Variants in CTDP1 observed in about 807,000 individuals in gnomAD.
The protein encoded by CTDP1 is CTD phosphatase 1.
Under a neutral mutation model 91.8 loss-of-function variants are expected in CTDP1, and 47 were observed. The observed-to-expected ratio is 0.51, with a 90% CI of 0.41 to 0.65. The LOEUF (loss-of-function observed/expected upper bound fraction) is 0.65, where lower values mean the gene tolerates loss of function less well. Ranked by LOEUF, CTDP1 falls within the 30% of genes least tolerant of loss-of-function variation. The pLI is 0.00. For synonymous variants in CTDP1, 656 were observed against 598.5 expected (o/e 1.10, Z -1.40); for missense variants, 1,272 against 1,373.7 (o/e 0.93, Z 1.17).
chr18:79,697,779 TTG>T, intron 3 of CTDP1, 79 bp from the exon 4 acceptor site: 1 of 1,576,976 alleles, frequency 6.3e-7, no homozygotes, highest in African/African-American at 1.3e-5. Context: ...TGATATAGTT[TTG>T]TGTTTCTCGA....
chr18:79,750,597 A>G (rs1314366422), intron 12 of CTDP1, among the ~76,000 whole-genome samples: 1 of 149,486 alleles, frequency 6.7e-6, no homozygotes, highest in Non-Finnish European at 1.5e-5. Context: ...GGGTTCAAAC[A>G]ATTCTCGTGC....
intron 8 of CTDP1, among the ~76,000 whole-genome samples, 163 bp from the exon 9 acceptor site, chr18:79,717,372 C>A (rs676367): frequency 3.1e-4 from 46 of 148,978 alleles, no homozygotes; most frequent in Admixed American, 1.7e-3. Flanking sequence ...CTGAGCCCTG[C>A]AGGGGTGCAG....
intron 10 of CTDP1, 116 bp downstream of exon 10, chr18:79,718,132 A>G (rs377459336): frequency 2.5e-6 from 3 of 1,213,792 alleles, no homozygotes; most frequent in South Asian, 1.3e-5. Context: ...GAGGCTGCAG[A>G]CGGTGACTCC....
intron 10 of CTDP1, among the ~76,000 whole-genome samples, chr18:79,722,831 G>A (rs2086371987): frequency 6.6e-6 from 1 of 152,254 alleles, no homozygotes; most frequent in Non-Finnish European, 1.5e-5. Flanking sequence ...GCCGGCAGGA[G>A]TTCTGCGGGG....
intron 4 of CTDP1, among the ~76,000 whole-genome samples, chr18:79,702,508 G>A (rs1166591696): frequency 6.6e-6 from 1 of 152,054 alleles, no homozygotes; most frequent in South Asian, 2.1e-4. Flanking sequence ...CGAGTAGCTG[G>A]GACTACAGGC....
Position 79,753,876 on chromosome 18 carries a change from G to T in CTDP1, c.*86G>T. The T allele has an allele frequency of 6.6e-7, 1 of 1,518,880 alleles. No homozygotes were observed. The highest frequency in any genetic ancestry group is 8.9e-7 in the Non-Finnish European group (1 of 1,117,468). The allele number at this position is 1,518,880 out of a possible 1,614,324, so 94.1% of individuals were successfully genotyped here. A position where few individuals can be genotyped will look rare whatever the true frequency, so the allele number is the denominator to read the frequency against. ...GGACCAGCCCTCAGTCTCGGTCCAC[G>T]CTGCTTTCTTCCCAAAGGACATGTA... On this transcript the variant is annotated 3_prime_UTR_variant, in exon 13 of 13. Transcript: ENST00000613122.
intron 12 of CTDP1, among the ~76,000 whole-genome samples, chr18:79,750,557 GATCTC>G (rs964216971): frequency 2.7e-5 from 4 of 150,768 alleles, no homozygotes; most frequent in African/African-American, 9.8e-5. Flanking sequence ...GCAGTGGCGT[GATCTC>G]AGCTCACTGC....
chr18:79,715,413 A>G lies in CTDP1; in HGVS notation c.1953A>G (p.Ile651Met), dbSNP rs757956731. ...GGCTACACCCGACAAACTTCCCGAT[A>G]GAGAAGACGCGGGAGCATTACCACG... Reference protein sequence around the residue: ...FSGLHPTNFPIEKTREHYHAT... With the variant: ...FSGLHPTNFPMEKTREHYHAT... The change falls in exon 8 of 13, where the codon ATA becomes ATG. Residue 651 changes from isoleucine (I) to methionine (M), a missense_variant. By Grantham distance (10) the Ile-to-Met change is conservative (BLOSUM62 1). Coordinates refer to ENST00000613122, the MANE Select transcript of CTDP1 (RefSeq NM_004715.5). The G allele has an allele frequency of 3.8e-5, 61 of 1,602,434 alleles. No homozygotes were observed. Among genetic ancestry groups the G allele is most frequent in the Non-Finnish European group, 4.8e-5 (56 of 1,174,438 alleles).
At chr18:79,696,845 C>G (rs1429354700) in intron 3 of CTDP1, among the ~76,000 whole-genome samples, 2 of 152,192 alleles carry the variant, frequency 1.3e-5, no homozygotes, top group Admixed American at 1.3e-4. Flanking sequence ...CACCGTCTCC[C>G]CGACCTCGCT....
At chr18:79,755,343 C>T (rs1208986493), downstream of CTDP1, 3 of 152,208 alleles carry the variant, frequency 2.0e-5, no homozygotes, top group Non-Finnish European at 2.9e-5. Flanking sequence ...GATGACCAGA[C>T]GCCGGTCAGG....
Position 79,696,819 on chromosome 18 carries a change from C to T in CTDP1, c.492+749C>T, listed in dbSNP as rs193290695. On this transcript the variant is annotated intron_variant, in intron 3 of 12. Transcript: ENST00000613122. ...GTGGGTCAGCGGCTCCGGGCACCTCCTGTGCTTGAGGCAGACACCGTCTCC... is the reference window on the plus strand; with the variant it reads ...GTGGGTCAGCGGCTCCGGGCACCTCTTGTGCTTGAGGCAGACACCGTCTCC... 2.0e-3 allele frequency among the ~76,000 whole-genome samples: 304 copies of T among 152,310 alleles called. 1 individual carries two copies. The highest frequency in any genetic ancestry group is 7.1e-3 in the African/African-American group (295 of 41,590).
intron 3 of CTDP1, 151 bp downstream of exon 3, chr18:79,696,221 G>A (rs763052904): frequency 1.3e-6 from 1 of 753,500 alleles, no homozygotes. Context: ...TTATGGGACT[G>A]CGGCCTTCCT....
intron 1 of CTDP1, among the ~76,000 whole-genome samples, chr18:79,692,622 G>A (rs582029): frequency 0.2 from 31,097 of 152,162 alleles, 3,435 homozygotes; most frequent in Middle Eastern, 0.31. Context: ...CCCCTTGCAG[G>A]GGGTAGAGCA....
chr18:79,736,373 G>A lies in CTDP1; in HGVS notation c.2599G>A (p.Glu867Lys). 2 of 1,549,342 alleles carry A rather than the reference G, an allele frequency of 1.3e-6. No homozygotes were observed. Among genetic ancestry groups the A allele is most frequent in the Non-Finnish European group, 1.7e-6 (2 of 1,147,002 alleles). ...MDKEVDDILG[E>K]GSDDSDSEKR... ...TTGTCAGGTGGACGACATCCTTGGA[G>A]AAGGCAGCGACGACAGCGACAGCGA... is the stretch of plus-strand genomic sequence containing the variant. The change falls in exon 12 of 13, where the codon GAA (glutamate) becomes AAA (lysine). Residue 867 changes from glutamate to lysine, a missense_variant. Physicochemically the swap from Glu to Lys is moderately conservative, Grantham distance 56. Transcript: ENST00000613122.
chr18:79,717,146 C>T (rs1006408378), intron 8 of CTDP1, among the ~76,000 whole-genome samples: 1 of 147,098 alleles, frequency 6.8e-6, no homozygotes, highest in Non-Finnish European at 1.5e-5. Context: ...GGTGAAGGCC[C>T]TGAGTCCTGG....
At chr18:79,696,220 T>G (rs1186642009) in intron 3 of CTDP1, 150 bp downstream of exon 3, 27 of 748,636 alleles carry the variant, frequency 3.6e-5, no homozygotes, top group Admixed American at 2.6e-4. Flanking sequence ...CTTATGGGAC[T>G]GCGGCCTTCC....
chr18:79,735,243 C>T (rs2086642664), intron 11 of CTDP1, among the ~76,000 whole-genome samples: 2 of 152,166 alleles, frequency 1.3e-5, no homozygotes, highest in African/African-American at 4.8e-5. Flanking sequence ...GTTAGGTCGG[C>T]GTCGGTGAGT....
downstream of CTDP1, chr18:79,755,741 C>T (rs1290694580): frequency 6.6e-6 from 1 of 152,364 alleles, no homozygotes; most frequent in African/African-American, 2.4e-5. Flanking sequence ...GTTAATGAGG[C>T]TCTGCAAGGC....
chr18:79,696,569 G>A (rs575298547), intron 3 of CTDP1, among the ~76,000 whole-genome samples: 4 of 152,286 alleles, frequency 2.6e-5, no homozygotes, highest in African/African-American at 7.2e-5. Flanking sequence ...CTACAGGAGC[G>A]GCTGCTGCTG....
Sources: gnomAD v4.1 joint callset for allele counts (sites outside exome capture counted in the v4.1 genomes callset) on GRCh38, gnomAD v4.1.1 for gene constraint, MANE v1.5 for transcripts, NCBI Gene and HGNC (gene_info 2026-07-23, HGNC 2026-07-21) for gene names.